Variants in B4GALNT3 observed in about 807,000 individuals in gnomAD.
B4GALNT3 encodes beta-1,4-N-acetylgalactosaminyltransferase 3.
Under a neutral mutation model 120.2 loss-of-function variants are expected in B4GALNT3, and 86 were observed. The observed-to-expected ratio is 0.72, with a 90% CI of 0.60 to 0.86. The LOEUF is 0.86. Ranked by LOEUF, B4GALNT3 falls within the 40% of genes least tolerant of loss-of-function variation. B4GALNT3 has a pLI of 0.00. For synonymous variants in B4GALNT3, 518 were observed against 510.4 expected (o/e 1.01, Z -0.20); for missense variants, 1,167 against 1,298.9 (o/e 0.90, Z 1.56).
intron 1 of B4GALNT3, among the ~76,000 whole-genome samples, chr12:473,901 G>A (rs907360639): frequency 4.6e-5 from 7 of 152,132 alleles, no homozygotes; most frequent in Admixed American, 1.3e-4. Flanking sequence ...AGCAATAATC[G>A]CACAAAGGGA....
At chr12:552,394 G>A in intron 12 of B4GALNT3, 73 bp from the exon 13 acceptor site, 1 of 1,481,998 alleles carries the variant, frequency 6.7e-7, no homozygotes, top group East Asian at 2.3e-5. Context: ...GACTCCTGCT[G>A]AGACTTCCAG....
At chr12:485,110 C>T (rs781007303) in intron 1 of B4GALNT3, among the ~76,000 whole-genome samples, 9 of 152,168 alleles carry the variant, frequency 5.9e-5, no homozygotes, top group South Asian at 2.1e-4. Flanking sequence ...AGGAGGAAGA[C>T]GTGGTGTTGG....
At chr12:510,929 AC>A (rs1483152344) in intron 1 of B4GALNT3, among the ~76,000 whole-genome samples, 1 of 140,920 alleles carries the variant, frequency 7.1e-6, no homozygotes, top group African/African-American at 2.7e-5. Flanking sequence ...AAGGAACCTC[AC>A]CCATTATCAG....
intron 3 of B4GALNT3, among the ~76,000 whole-genome samples, chr12:536,871 C>T (rs985217678): frequency 7.2e-5 from 11 of 152,194 alleles, no homozygotes; most frequent in African/African-American, 2.7e-4. Context: ...CATGCCAATC[C>T]CCAGTCTTAA....
Position 548,234 on chromosome 12 carries a change from C to T in B4GALNT3, c.790C>T (p.Arg264Ter), listed in dbSNP as rs780455486. The change falls in exon 9 of 20, where the codon CGA becomes TGA. Residue 264 changes from arginine (R) to a stop codon, truncating the protein, a stop_gained. Coordinates refer to ENST00000266383, the MANE Select transcript of B4GALNT3 (RefSeq NM_173593.4). LOFTEE classifies it high-confidence loss of function. This position sits in a 1 kb window ranked among gnomAD's most constrained non-coding sequence, Gnocchi z 4.9. ...TACCCTCTCTCTCCTCTTCCAGTGG[C>T]GACGGAACGACCCTGGAGCCAAGTT... ...EGTDHVEVAW[R>*]RNDPGAKFTI... is the part of the protein sequence containing the mutation. 6.8e-6 allele frequency: 11 copies of T among 1,613,994 alleles called. No individual in the cohort carries two copies. The highest frequency in any genetic ancestry group is 8.5e-6 in the Non-Finnish European group (10 of 1,179,856).
At chr12:474,946 T>TAAAAAA (rs1592011790) in intron 1 of B4GALNT3, among the ~76,000 whole-genome samples, 1 of 33,020 alleles carries the variant, frequency 3.0e-5, no homozygotes, top group Admixed American at 4.2e-4. Context: ...AGACCTTGTC[T>TAAAAAA]CAAAAAAAAA....
intron 1 of B4GALNT3, among the ~76,000 whole-genome samples, chr12:512,070 AACCTTCCACCTTCG>A (rs1307075454): frequency 6.1e-5 from 3 of 49,312 alleles, no homozygotes; most frequent in African/African-American, 1.8e-4. Context: ...TTCCACCTTC[AACCTTCCACCTTCG>A]ACCTTCCACC....
chr12:554,142 G>A (rs1947117724), intron 14 of B4GALNT3, among the ~76,000 whole-genome samples, 159 bp downstream of exon 14: 1 of 152,208 alleles, frequency 6.6e-6, no homozygotes, highest in African/African-American at 2.4e-5. Context: ...AAGTGCCCGG[G>A]GCCCCTGTCC....
chr12:547,831 C>G (rs920050609), intron 7 of B4GALNT3, among the ~76,000 whole-genome samples, 193 bp from the exon 8 acceptor site: 2 of 152,156 alleles, frequency 1.3e-5, no homozygotes, highest in African/African-American at 4.8e-5. Flanking sequence ...ATGCCCATCT[C>G]ACCAAGAGAA....
At chr12:536,197 C>G (rs757598698) in intron 2 of B4GALNT3, 21 bp from the exon 3 acceptor site, 2 of 1,600,036 alleles carry the variant, frequency 1.2e-6, no homozygotes, top group African/African-American at 1.3e-5. Flanking sequence ...CTACCAACTT[C>G]GTTCTTCATT....
At chr12:473,781 A>G (rs1212402195) in intron 1 of B4GALNT3, among the ~76,000 whole-genome samples, 1 of 152,208 alleles carries the variant, frequency 6.6e-6, no homozygotes, top group Non-Finnish European at 1.5e-5. Context: ...AGAAGTTGGA[A>G]GAGTTTGCCA....
intron 1 of B4GALNT3, among the ~76,000 whole-genome samples, chr12:467,344 A>C (rs1946091759): frequency 6.6e-6 from 1 of 152,158 alleles, no homozygotes; most frequent in South Asian, 2.1e-4. Context: ...AGATCACTTG[A>C]GGTCAGGAGT....
rs138762678 is a variant in B4GALNT3 at position 534,522 on chromosome 12, G to A, written c.170-644G>A. Reference sequence around the variant, plus strand: ...TTTGGCTTTTTGCCTTCCCAGGTGCGTGTAAGCCAACCTGGTCCAGAGCCT... The same window carrying A: ...TTTGGCTTTTTGCCTTCCCAGGTGCATGTAAGCCAACCTGGTCCAGAGCCT... On this transcript the variant is annotated intron_variant, in intron 1 of 19. Transcript: ENST00000266383. Among the ~76,000 whole-genome samples, 1,361 of 152,268 alleles carry A rather than the reference G, an allele frequency of 8.9e-3. 14 individuals carry two copies. Among genetic ancestry groups the A allele is most frequent in the Middle Eastern group, 0.014 (4 of 294 alleles).
At chr12:491,639 T>C (rs915783024) in intron 1 of B4GALNT3, among the ~76,000 whole-genome samples, 7 of 152,020 alleles carry the variant, frequency 4.6e-5, no homozygotes, top group African/African-American at 1.7e-4. Flanking sequence ...TGATTTGTGA[T>C]ACAAATTCTT....
At chr12:471,258 G>A (rs982592112) in intron 1 of B4GALNT3, among the ~76,000 whole-genome samples, 3 of 151,352 alleles carry the variant, frequency 2.0e-5, no homozygotes, top group East Asian at 3.9e-4. Flanking sequence ...GGTGGCACAT[G>A]CCTGTAATCC....
intron 1 of B4GALNT3, among the ~76,000 whole-genome samples, chr12:496,723 C>A (rs528223882): frequency 1.3e-5 from 2 of 152,130 alleles, no homozygotes; most frequent in Non-Finnish European, 2.9e-5. Flanking sequence ...TCTGCCCATG[C>A]GCGTTAAGCA....
intron 1 of B4GALNT3, among the ~76,000 whole-genome samples, chr12:484,271 C>T (rs552497200): frequency 7.2e-5 from 11 of 152,306 alleles, no homozygotes; most frequent in East Asian, 5.8e-4. Flanking sequence ...TTGTCAGTGA[C>T]GGTCATTCTG....
chr12:543,032 C>T, intron 3 of B4GALNT3: 1 of 1,129,872 alleles, frequency 8.9e-7, no homozygotes, highest in Non-Finnish European at 1.2e-6. Flanking sequence ...GCCGGCTCCT[C>T]CTAGTTCCCT....
chr12:504,976 C>T (rs769060142), intron 1 of B4GALNT3, among the ~76,000 whole-genome samples: 5 of 151,984 alleles, frequency 3.3e-5, no homozygotes, highest in African/African-American at 4.8e-5. Context: ...CTGCAACCTC[C>T]GCCTCTTGGG....
Sources: allele counts gnomAD v4.1 joint callset (sites outside exome capture counted in the v4.1 genomes callset), GRCh38; gene constraint gnomAD v4.1.1; non-coding constraint Gnocchi (gnomAD v3.1); transcripts MANE v1.5; gene names NCBI Gene and HGNC (gene_info 2026-07-23, HGNC 2026-07-21).